PARD3B: variants seen among roughly 807,000 people sequenced by gnomAD.
The protein encoded by PARD3B is partitioning defective 3 homolog B.
A neutral mutation model predicts 130.2 loss-of-function variants in PARD3B; 103 were observed. The ratio of observed to expected loss-of-function variants is 0.79; its 90% CI spans 0.67 to 0.93. The LOEUF (loss-of-function observed/expected upper bound fraction) is 0.93, where lower values mean the gene tolerates loss of function less well. Ranked by LOEUF, PARD3B falls within the 40% of genes least tolerant of loss-of-function variation. The probability of loss-of-function intolerance (pLI) is 0.00; values close to 1 mark genes in which losing one functional copy is unlikely to be tolerated. For synonymous variants in PARD3B, 583 were observed against 553.2 expected, an observed-to-expected ratio of 1.05 and a Z score of -0.76; for missense variants, 1,609 against 1,499.2, an observed-to-expected ratio of 1.07 and a Z score of -1.21.
At chr2:205,510,620 C>T (rs143996272) in intron 21 of PARD3B, among the ~76,000 whole-genome samples, 26 of 152,320 alleles carry the variant, frequency 1.7e-4, no homozygotes, top group African/African-American at 6.3e-4. Context: ...CACCTAATCT[C>T]TTTAATGAGC....
At chr2:205,520,237 G>T (rs968032588) in intron 21 of PARD3B, among the ~76,000 whole-genome samples, 6 of 152,164 alleles carry the variant, frequency 3.9e-5, no homozygotes, top group Non-Finnish European at 2.9e-5. Flanking sequence ...GGATGGGGAG[G>T]GTCTGTGCTG....
intron 1 of PARD3B, among the ~76,000 whole-genome samples, chr2:204,603,727 C>T (rs1391622183): frequency 6.6e-6 from 1 of 152,024 alleles, no homozygotes; most frequent in Non-Finnish European, 1.5e-5. Context: ...TCACAGGGGG[C>T]ACAAAAAGAA....
chr2:205,096,360 G>A (rs1440216637), intron 4 of PARD3B, among the ~76,000 whole-genome samples: 1 of 152,120 alleles, frequency 6.6e-6, no homozygotes. Flanking sequence ...TGTTAGACCA[G>A]AATTCAGTTA....
chr2:205,615,397 T>A, intron 22 of PARD3B, 59 bp from the exon 23 acceptor site: 1 of 1,439,384 alleles, frequency 6.9e-7, no homozygotes, highest in South Asian at 1.3e-5. Flanking sequence ...AGGAACATGT[T>A]CTCCAGCCGG....
chr2:205,487,388 C>T (rs150002877), intron 20 of PARD3B, among the ~76,000 whole-genome samples: 24 of 152,160 alleles, frequency 1.6e-4, no homozygotes, highest in East Asian at 5.8e-4. Flanking sequence ...AATCTACTGA[C>T]GTTTTGTTAT....
intron 2 of PARD3B, among the ~76,000 whole-genome samples, chr2:204,738,453 A>G (rs2039853212): frequency 6.6e-6 from 1 of 152,184 alleles, no homozygotes; most frequent in Non-Finnish European, 1.5e-5. Flanking sequence ...TGAGATTGGA[A>G]TCTGAGGCTA....
At chr2:204,966,709 A>T (rs1343199096) in intron 3 of PARD3B, among the ~76,000 whole-genome samples, 1 of 152,138 alleles carries the variant, frequency 6.6e-6, no homozygotes, top group Non-Finnish European at 1.5e-5. Flanking sequence ...TTGTTGGAAT[A>T]TTGAAACAAC....
intron 21 of PARD3B, among the ~76,000 whole-genome samples, chr2:205,540,198 G>A (rs968346474): frequency 6.6e-5 from 10 of 151,514 alleles, no homozygotes; most frequent in Admixed American, 6.6e-4. Context: ...TTTATATCCC[G>A]AGCAGAGTTC....
At chr2:205,426,602 C>T (rs1019945674) in intron 19 of PARD3B, among the ~76,000 whole-genome samples, 2 of 152,184 alleles carry the variant, frequency 1.3e-5, no homozygotes, top group Admixed American at 1.3e-4. Flanking sequence ...ACTCTCTGTT[C>T]ATCTCTGACT....
rs77469897 is a variant in PARD3B, at chr2:204,785,334, A to G, written c.222+99052A>G. ...TAATCTGGCACCTCTCTATCTCTCT[A>G]ACATACTTTTCCCCCAGCCCCTCCT... On this transcript the variant is annotated intron_variant, in intron 2 of 22. Transcript: ENST00000406610. 4.7e-4 allele frequency among the ~76,000 whole-genome samples: 71 copies of G among 152,126 alleles called. No homozygotes were observed. The East Asian group carries it at 0.014, about 29-fold the overall frequency.
In PARD3B at chr2:205,530,994, C is replaced by T. The variant is rs2051565232; in HGVS notation, c.3181-22330C>T. Among the ~76,000 whole-genome samples the T allele has an allele frequency of 6.6e-6, 1 of 152,174 alleles. No individual in the cohort carries two copies. The highest frequency in any genetic ancestry group is 1.5e-5 in the Non-Finnish European group (1 of 68,024). Reference sequence around the variant, plus strand: ...TAAGATTTCAATATCTGTATGTAGACTGTGACCTTTGCAAAAGACTTTATG... The same window carrying T: ...TAAGATTTCAATATCTGTATGTAGATTGTGACCTTTGCAAAAGACTTTATG... On this transcript the variant is annotated intron_variant, in intron 21 of 22. Transcript: ENST00000406610. The surrounding 1 kb of genome is among the most constrained non-coding windows in gnomAD (Gnocchi z 4.7).
At chr2:204,774,651 A>C (rs1425698454) in intron 2 of PARD3B, among the ~76,000 whole-genome samples, 2 of 152,118 alleles carry the variant, frequency 1.3e-5, no homozygotes, top group African/African-American at 2.4e-5. Context: ...TCTTCTCATC[A>C]GATATGATTG....
intron 3 of PARD3B, among the ~76,000 whole-genome samples, chr2:205,014,884 C>T (rs1261928493): frequency 6.6e-6 from 1 of 152,170 alleles, no homozygotes; most frequent in Non-Finnish European, 1.5e-5. Context: ...AGGAATGTAA[C>T]TGTCATAGGC....
intron 22 of PARD3B, among the ~76,000 whole-genome samples, chr2:205,613,564 C>T (rs1270090761): frequency 1.3e-5 from 2 of 152,182 alleles, no homozygotes; most frequent in Admixed American, 1.3e-4. Flanking sequence ...CATTTGTGCT[C>T]CATTTGTCAT....
chr2:204,987,851 A>G (rs1693301789), intron 3 of PARD3B, among the ~76,000 whole-genome samples: 1 of 152,148 alleles, frequency 6.6e-6, no homozygotes, highest in African/African-American at 2.4e-5. Flanking sequence ...TCATTCCATT[A>G]GCTTTTTGGG....
At position 204,672,669 on chromosome 2, in the gene PARD3B, C is replaced by T. The variant is rs112402982; in HGVS notation, c.121-13512C>T. On this transcript the variant is annotated intron_variant, in intron 1 of 22. Coordinates refer to ENST00000406610, the MANE Select transcript of PARD3B (RefSeq NM_001302769.2). Reference sequence around the variant, plus strand: ...GGCATAGGAAAAAAATTGGGAAGAGCGTTTCTTCCCAAATTTTTGACGTGT... The same window carrying T: ...GGCATAGGAAAAAAATTGGGAAGAGTGTTTCTTCCCAAATTTTTGACGTGT... Among the ~76,000 whole-genome samples the T allele has an allele frequency of 6.1e-3, 923 of 152,234 alleles. 7 individuals are homozygous for T. Among genetic ancestry groups the T allele is most frequent in the Middle Eastern group, 0.027 (8 of 294 alleles).
In PARD3B at chr2:205,309,281, G is replaced by A. The variant is rs1490678485; in HGVS notation, c.2630+7580G>A. Among the ~76,000 whole-genome samples the A allele has an allele frequency of 6.6e-6, 1 of 152,122 alleles. No homozygotes were observed. The highest frequency in any genetic ancestry group is 1.5e-5 in the Non-Finnish European group (1 of 68,028). On this transcript the variant is annotated intron_variant, in intron 18 of 22. Coordinates refer to ENST00000406610, the MANE Select transcript of PARD3B (RefSeq NM_001302769.2). The surrounding 1 kb of genome is among the most constrained non-coding windows in gnomAD (Gnocchi z 4.7). Reference sequence around the variant, plus strand: ...CAACTCTGTTCCTCCTACCTCATCAGCTGGATATTCTTTATTGTTTCTTCT... The same window carrying A: ...CAACTCTGTTCCTCCTACCTCATCAACTGGATATTCTTTATTGTTTCTTCT...
intron 3 of PARD3B, among the ~76,000 whole-genome samples, chr2:205,019,728 TAGAA>T (rs1399799884): frequency 6.6e-6 from 1 of 152,090 alleles, no homozygotes; most frequent in Non-Finnish European, 1.5e-5. Context: ...TCTCTGAAGG[TAGAA>T]TGGATGGTTT....
rs1357924462 is a variant in PARD3B, at chr2:205,351,592, C to A, written c.2631-49421C>A. On this transcript the variant is annotated intron_variant, in intron 18 of 22. Coordinates refer to ENST00000406610, the MANE Select transcript of PARD3B (RefSeq NM_001302769.2). The surrounding 1 kb of genome is among the most constrained non-coding windows in gnomAD (Gnocchi z 4.2). ...GAATCCAGCTGACCAAATAAGAAGG[C>A]CCATGGGCAGGGAGCAGCTGGGCAC... 6.6e-6 allele frequency among the ~76,000 whole-genome samples: 1 copy of A among 152,084 alleles called. No individual in the cohort carries two copies. Among genetic ancestry groups the A allele is most frequent in the African/African-American group, 2.4e-5 (1 of 41,412 alleles).
Sources: gnomAD v4.1 joint callset for allele counts (sites outside exome capture counted in the v4.1 genomes callset) on GRCh38, gnomAD v4.1.1 for gene constraint, Gnocchi (gnomAD v3.1) non-coding constraint, MANE v1.5 for transcripts, NCBI Gene and HGNC (gene_info 2026-07-23, HGNC 2026-07-21) for gene names.